CANX: variants seen among roughly 807,000 people sequenced by gnomAD.
CANX encodes epididymis secretory sperm binding protein.
Under a neutral mutation model 75.7 loss-of-function variants are expected in CANX, and 14 were observed. The ratio of observed to expected loss-of-function variants is 0.19; its 90% CI spans 0.12 to 0.29. CANX has a LOEUF of 0.29. Ranked by LOEUF, CANX falls within the 10% of genes least tolerant of loss-of-function variation. The pLI, the probability that CANX is intolerant of heterozygous loss-of-function variation, is 1.00. For missense variants in CANX, 567 were observed against 713.2 expected, an observed-to-expected ratio of 0.79 and a Z score of 2.34; for synonymous variants, 227 against 236.9, an observed-to-expected ratio of 0.96 and a Z score of 0.38.
Position 179,729,058 on chromosome 5 carries a change from T to C in CANX, c.*414T>C, listed in dbSNP as rs911440805. The C allele has an allele frequency of 4.4e-6, 1 of 224,750 alleles. No individual in the cohort carries two copies. Among genetic ancestry groups the C allele is most frequent in the Non-Finnish European group, 9.0e-6 (1 of 110,626 alleles). 13.9% of individuals were successfully genotyped at this position (224,750 alleles called of 1,614,324 possible). ...GGGAGATGAGTTGCAGTTTTTATAA[T>C]AGATTTTTTTTAAAGTTTGGTATTG... On this transcript the variant is annotated 3_prime_UTR_variant, in exon 15 of 15. Coordinates refer to ENST00000247461, the MANE Select transcript of CANX (RefSeq NM_001746.4).
intron 7 of CANX, among the ~76,000 whole-genome samples, chr5:179,712,447 T>G (rs1332784219): frequency 6.6e-6 from 1 of 152,038 alleles, no homozygotes; most frequent in Admixed American, 6.6e-5. Flanking sequence ...AGATGGAGTT[T>G]CACTCTTGTT....
chr5:179,719,477 A>C (rs1477061301), intron 8 of CANX, among the ~76,000 whole-genome samples, 191 bp from the exon 9 acceptor site: 3 of 152,180 alleles, frequency 2.0e-5, no homozygotes, highest in Non-Finnish European at 4.4e-5. Context: ...TTGTCTTTAT[A>C]TTATTGAGTT....
At chr5:179,727,300 CACAGCGTATTAG>C (rs1360187136) in intron 14 of CANX, among the ~76,000 whole-genome samples, 1 of 152,166 alleles carries the variant, frequency 6.6e-6, no homozygotes, top group Non-Finnish European at 1.5e-5. Flanking sequence ...AAGTAAACAA[CACAGCGTATTAG>C]GAAGTAAGAA....
At chr5:179,699,613 T>G (rs984476121) in intron 1 of CANX, 1 of 152,218 alleles carries the variant, frequency 6.6e-6, no homozygotes, top group African/African-American at 2.4e-5. Context: ...GAAAGGGGAA[T>G]GTACCAGAAG....
chr5:179,712,886 G>A (rs992975629), intron 7 of CANX, among the ~76,000 whole-genome samples: 3 of 150,010 alleles, frequency 2.0e-5, no homozygotes, highest in African/African-American at 4.9e-5. Context: ...ACCATGCCCA[G>A]CTAATTTTTC....
chr5:179,711,657 A>G (rs868298669), intron 7 of CANX, among the ~76,000 whole-genome samples: 7 of 147,538 alleles, frequency 4.7e-5, no homozygotes, highest in Admixed American at 2.0e-4. Flanking sequence ...GGCATGGTGG[A>G]GGGTGCCTGT....
chr5:179,711,568 C>T (rs1257883918), intron 7 of CANX, among the ~76,000 whole-genome samples: 2 of 152,002 alleles, frequency 1.3e-5, no homozygotes, highest in African/African-American at 4.8e-5. Context: ...GTGGGCGGAT[C>T]ACCTGAGGTC....
At chr5:179,708,867 C>A in intron 5 of CANX, 111 bp from the exon 6 acceptor site, 1 of 608,426 alleles carries the variant, frequency 1.6e-6, no homozygotes. Context: ...TAAGGGTAAA[C>A]ATTTGACCTA....
chr5:179,703,620 A>AT lies in CANX; in HGVS notation c.-3-2053dup, dbSNP rs1354730351. On this transcript the variant is annotated intron_variant, in intron 1 of 14. Transcript: ENST00000247461. ...ACCTGGCTAAATTTTTCTTTTTTTG[A>AT]TTTTTTGTAGAGACAGGATAATTTT... 2.7e-5 allele frequency among the ~76,000 whole-genome samples: 4 copies of AT among 149,790 alleles called. No individual in the cohort carries two copies. The East Asian group carries it at 5.9e-4, about 22-fold the overall frequency.
intron 1 of CANX, chr5:179,701,007 T>C (rs56030002): frequency 0.013 from 1,910 of 152,060 alleles, 21 homozygotes; most frequent in Non-Finnish European, 0.017. Context: ...GGACTACAGG[T>C]GCCCGCCACC....
At chr5:179,681,500 C>T (rs1222501034) in intron 1 of CANX, among the ~76,000 whole-genome samples, 1 of 152,154 alleles carries the variant, frequency 6.6e-6, no homozygotes, top group Non-Finnish European at 1.5e-5. Context: ...TGTGGTCTCA[C>T]GTGGAGACTA....
chr5:179,706,177 C>T, intron 2 of CANX, 81 bp from the exon 3 acceptor site: 1 of 833,338 alleles, frequency 1.2e-6, no homozygotes, highest in Non-Finnish European at 1.9e-6. Flanking sequence ...CAGTTGAAAG[C>T]AAACCAGGAG....
chr5:179,716,005 G>T (rs2113216200), intron 7 of CANX, 100 bp from the exon 8 acceptor site: 2 of 904,848 alleles, frequency 2.2e-6, no homozygotes, highest in East Asian at 5.0e-5. Context: ...CCTCAGGTCA[G>T]ACTTCTGCTG....
intron 1 of CANX, chr5:179,700,974 T>C (rs1776708731): frequency 6.6e-6 from 1 of 152,022 alleles, no homozygotes; most frequent in Admixed American, 6.6e-5. Context: ...GCCATTCTCC[T>C]GCCTCAGCCT....
At chr5:179,705,472 A>G (rs1777064269) in intron 1 of CANX, among the ~76,000 whole-genome samples, 1 of 152,166 alleles carries the variant, frequency 6.6e-6, no homozygotes, top group Non-Finnish European at 1.5e-5. Context: ...TTATTTTGAA[A>G]TTTTCCAGAA....
At chr5:179,716,352 C>A in intron 8 of CANX, 58 bp downstream of exon 8, 2 of 1,283,344 alleles carry the variant, frequency 1.6e-6, no homozygotes, top group South Asian at 1.3e-5. Context: ...TTCCATGTGG[C>A]TTGAACAACG....
chr5:179,679,191 G>T (rs1405223711), intron 1 of CANX: 2 of 1,534,938 alleles, frequency 1.3e-6, no homozygotes, highest in African/African-American at 1.4e-5. Flanking sequence ...CCTCGGGAGC[G>T]CTGGCGACTC....
chr5:179,721,265 T>G (rs1329708877), intron 10 of CANX, among the ~76,000 whole-genome samples: 1 of 151,894 alleles, frequency 6.6e-6, no homozygotes, highest in African/African-American at 2.4e-5. Flanking sequence ...ATTTTTTGTA[T>G]TTTTAGTAGA....
chr5:179,680,460 C>A (rs114443236), intron 1 of CANX, among the ~76,000 whole-genome samples: 3,611 of 152,180 alleles, frequency 0.024, 54 homozygotes, highest in Non-Finnish European at 0.034. Flanking sequence ...CCTCAAGGTG[C>A]TCCTAATCCA....
Sources: allele counts gnomAD v4.1 joint callset (sites outside exome capture counted in the v4.1 genomes callset), GRCh38; gene constraint gnomAD v4.1.1; transcripts MANE v1.5; gene names NCBI Gene and HGNC (gene_info 2026-07-23, HGNC 2026-07-21).